Variants in SLC8A3 observed in about 807,000 individuals in gnomAD.
The protein encoded by SLC8A3 is solute carrier family 8 member A3.
A neutral mutation model predicts 65.4 loss-of-function variants in SLC8A3; 37 were observed. The observed-to-expected ratio is 0.57, with a 90% CI of 0.44 to 0.74. The LOEUF (loss-of-function observed/expected upper bound fraction) is 0.74. SLC8A3 is among the 30% of genes least tolerant of loss of function. SLC8A3 has a pLI of 0.00. For missense variants in SLC8A3, 1,112 were observed against 1,172.1 expected (o/e 0.95, Z 0.75); for synonymous variants, 461 against 444.5 (o/e 1.04, Z -0.47).
intron 2 of SLC8A3, among the ~76,000 whole-genome samples, chr14:70,163,766 C>T (rs188110038): frequency 5.8e-4 from 89 of 152,236 alleles, no homozygotes; most frequent in Non-Finnish European, 1.0e-3. Flanking sequence ...AGTTGGGGCC[C>T]GCAGCATCCA....
chr14:70,109,801 AC>A (rs1316002763), intron 2 of SLC8A3, among the ~76,000 whole-genome samples: 1 of 152,152 alleles, frequency 6.6e-6, no homozygotes, highest in African/African-American at 2.4e-5. Context: ...AATATATCCT[AC>A]CTAGCTATCT....
chr14:70,187,679 A>G (rs967836633), intron 1 of SLC8A3, among the ~76,000 whole-genome samples: 1 of 149,556 alleles, frequency 6.7e-6, no homozygotes, highest in Non-Finnish European at 1.5e-5. Flanking sequence ...GGGGAGGGTT[A>G]GTTATATATT....
intron 2 of SLC8A3, among the ~76,000 whole-genome samples, chr14:70,143,740 C>G (rs577313511): frequency 6.6e-6 from 1 of 152,290 alleles, no homozygotes; most frequent in Middle Eastern, 3.4e-3. Flanking sequence ...GCACTAACAG[C>G]TCCAATAACC....
At chr14:70,054,540 A>C (rs1436131316) in intron 3 of SLC8A3, among the ~76,000 whole-genome samples, 1 of 152,186 alleles carries the variant, frequency 6.6e-6, no homozygotes, top group African/African-American at 2.4e-5. Flanking sequence ...AAAGAGTTGG[A>C]ACAAAGAAGC....
upstream of SLC8A3, chr14:70,189,095 T>A (rs949097578): frequency 2.0e-5 from 3 of 152,102 alleles, no homozygotes; most frequent in African/African-American, 7.2e-5. Flanking sequence ...CCGCGCATAT[T>A]TATCCTCGCG....
intron 2 of SLC8A3, chr14:70,080,008 A>G (rs1185873612): frequency 2.6e-6 from 2 of 774,268 alleles, no homozygotes; most frequent in Non-Finnish European, 1.6e-6. Flanking sequence ...GGAGATGATA[A>G]CATTCACATT....
intron 3 of SLC8A3, among the ~76,000 whole-genome samples, chr14:70,058,378 G>C (rs557139169): frequency 6.6e-6 from 1 of 152,304 alleles, no homozygotes; most frequent in East Asian, 1.9e-4. Context: ...CAAAATACGG[G>C]AAGTACTGAA....
chr14:70,084,284 C>T (rs925587753), intron 2 of SLC8A3, among the ~76,000 whole-genome samples: 2 of 152,204 alleles, frequency 1.3e-5, no homozygotes, highest in Admixed American at 1.3e-4. Context: ...CTCTATTTCA[C>T]CAACTTTCCT....
chr14:70,138,989 G>C, intron 2 of SLC8A3, among the ~76,000 whole-genome samples: 1 of 152,230 alleles, frequency 6.6e-6, no homozygotes, highest in East Asian at 1.9e-4. Context: ...ATGTTGGATG[G>C]AACTTTTCCT....
chr14:70,150,399 C>T (rs1324839427), intron 2 of SLC8A3, among the ~76,000 whole-genome samples: 1 of 152,134 alleles, frequency 6.6e-6, no homozygotes, highest in South Asian at 2.1e-4. Flanking sequence ...TCTATTACCC[C>T]CTGTGTATAT....
At chr14:70,080,654 C>G (rs1890975631) in intron 2 of SLC8A3, among the ~76,000 whole-genome samples, 2 of 152,192 alleles carry the variant, frequency 1.3e-5, no homozygotes, top group Non-Finnish European at 2.9e-5. Context: ...AAAGTCCCAT[C>G]TTTATACCAT....
intron 2 of SLC8A3, among the ~76,000 whole-genome samples, chr14:70,164,648 G>C (rs565242958): frequency 1.3e-5 from 2 of 152,296 alleles, no homozygotes; most frequent in African/African-American, 4.8e-5. Flanking sequence ...GAAATTAATA[G>C]AATGAACTAA....
chr14:70,066,316 A>C (rs1889419923), intron 2 of SLC8A3, among the ~76,000 whole-genome samples: 1 of 152,200 alleles, frequency 6.6e-6, no homozygotes, highest in Non-Finnish European at 1.5e-5. Flanking sequence ...AGTTTAATAC[A>C]AGTCACCAGC....
chr14:70,140,660 G>A (rs1895507935), intron 2 of SLC8A3, among the ~76,000 whole-genome samples: 2 of 152,224 alleles, frequency 1.3e-5, no homozygotes, highest in African/African-American at 4.8e-5. Flanking sequence ...GATTTGGTAA[G>A]AATATTTTTG....
At chr14:70,187,630 TG>T (rs1883412069) in intron 1 of SLC8A3, among the ~76,000 whole-genome samples, 11 of 136,580 alleles carry the variant, frequency 8.1e-5, no homozygotes, top group South Asian at 2.3e-4. Context: ...TGTGTGTGTG[TG>T]TGTGTGTGTC....
At chr14:70,062,489 G>C (rs1888918489) in intron 2 of SLC8A3, among the ~76,000 whole-genome samples, 2 of 152,162 alleles carry the variant, frequency 1.3e-5, no homozygotes, top group Admixed American at 6.5e-5. Context: ...GCAATATTCA[G>C]TACAAGCACA....
chr14:70,112,327 C>T (rs1893363314), intron 2 of SLC8A3, among the ~76,000 whole-genome samples: 2 of 152,146 alleles, frequency 1.3e-5, no homozygotes, highest in African/African-American at 4.8e-5. Flanking sequence ...GAGGACGAGG[C>T]ACTGGGGTGG....
chr14:70,057,338 G>T (rs989994823), intron 3 of SLC8A3, among the ~76,000 whole-genome samples: 3 of 132,336 alleles, frequency 2.3e-5, no homozygotes, highest in African/African-American at 8.4e-5. Flanking sequence ...AGATAGATAG[G>T]CAAGAGCTTG....
rs57192683 is a variant in SLC8A3 at position 70,151,261 on chromosome 14, GAA to G, written c.1784+15376_1784+15377del. Among the ~76,000 whole-genome samples the G allele has an allele frequency of 1.6e-3, 196 of 125,372 alleles. 2 individuals carry two copies. The highest frequency in any genetic ancestry group is 7.2e-3 in the South Asian group (27 of 3,736). 82.2% of individuals were successfully genotyped at this position (125,372 alleles called of 152,430 possible). On this transcript the variant is annotated intron_variant, in intron 2 of 6. Transcript: ENST00000356921. ...AGTGCGAGACTCCGCCTCAAAAAAA[GAA>G]AAAAAAAAAAAAAGAACTATCAAGG...
Sources: allele counts gnomAD v4.1 joint callset (sites outside exome capture counted in the v4.1 genomes callset), GRCh38; gene constraint gnomAD v4.1.1; transcripts MANE v1.5; gene names NCBI Gene and HGNC (gene_info 2026-07-23, HGNC 2026-07-21).